The following ADAMTS19 variants were observed in gnomAD, a reference collection of about 807,000 sequenced individuals.
ADAMTS19 encodes the protein A disintegrin and metalloproteinase with thrombospondin motifs 19.
ADAMTS19 carries 93 observed loss-of-function variants against 153.3 expected under a neutral mutation model. That is an observed-to-expected ratio of 0.61 (90% CI 0.51 to 0.72). The LOEUF (loss-of-function observed/expected upper bound fraction) is 0.72. Ranked by LOEUF, ADAMTS19 falls within the 30% of genes least tolerant of loss-of-function variation. The pLI is 0.00. For missense variants in ADAMTS19, 1,482 were observed against 1,552.1 expected (o/e 0.95, Z 0.76); for synonymous variants, 600 against 556.6 (o/e 1.08, Z -1.10).
At chr5:129,609,431 T>C (rs1250210729) in intron 8 of ADAMTS19, among the ~76,000 whole-genome samples, 1 of 152,178 alleles carries the variant, frequency 6.6e-6, no homozygotes, top group Non-Finnish European at 1.5e-5. Flanking sequence ...ATTATAGTTA[T>C]TTTATGAATA....
Position 129,701,498 on chromosome 5 carries a change from G to A in ADAMTS19, c.3065G>A (p.Arg1022Gln), listed in dbSNP as rs538019177. Residue 1022 changes from arginine to glutamine, a missense_variant, in exon 20 of 23, where the codon CGA becomes CAA. Physicochemically the swap from Arg to Gln is conservative, Grantham distance 43. Coordinates refer to ENST00000274487, the MANE Select transcript of ADAMTS19 (RefSeq NM_133638.6). The stretch of plus-strand genomic sequence containing the variant: ...AGCAATGGAACACTGATTAGAGCCC[G>A]AGAGAGGGACTGCATTGGGCCCAAG... ...QLSNGTLIRA[R>Q]ERDCIGPKPA... is the part of the protein sequence containing the mutation. The A allele has an allele frequency of 9.9e-6, 16 of 1,614,066 alleles. No homozygotes were observed. The highest frequency in any genetic ancestry group is 4.5e-5 in the East Asian group (2 of 44,882).
chr5:129,597,507 TG>T (rs1441621293), intron 8 of ADAMTS19, among the ~76,000 whole-genome samples: 1 of 152,224 alleles, frequency 6.6e-6, no homozygotes, highest in Admixed American at 6.5e-5. Flanking sequence ...TGTTATCTTC[TG>T]GCCTAGATTC....
Position 129,659,436 on chromosome 5 carries a change from T to C in ADAMTS19, c.2425+699T>C, listed in dbSNP as rs373471397. The stretch of plus-strand genomic sequence containing the variant: ...TGTGCTTTATGTACAGAAAATGCTT[T>C]ATACTCAGGATCTTAAGCTTACTGG... On this transcript the variant is annotated intron_variant, in intron 15 of 22. Coordinates refer to ENST00000274487, the MANE Select transcript of ADAMTS19 (RefSeq NM_133638.6). 4.4e-4 allele frequency among the ~76,000 whole-genome samples: 67 copies of C among 152,334 alleles called. No individual in the cohort carries two copies. The East Asian group carries it at 6.6e-3, about 15-fold the overall frequency.
chr5:129,550,828 G>T (rs1265178447), intron 6 of ADAMTS19, among the ~76,000 whole-genome samples: 1 of 151,300 alleles, frequency 6.6e-6, no homozygotes, highest in African/African-American at 2.4e-5. Context: ...TTGTAATATT[G>T]TTTGTGATAG....
intron 21 of ADAMTS19, among the ~76,000 whole-genome samples, chr5:129,732,100 C>T (rs927863405): frequency 1.8e-4 from 27 of 152,168 alleles, no homozygotes; most frequent in African/African-American, 6.5e-4. Context: ...AAAATTGTTA[C>T]ACATCAAATA....
chr5:129,528,093 G>C (rs1024218062), intron 5 of ADAMTS19, among the ~76,000 whole-genome samples: 8 of 151,980 alleles, frequency 5.3e-5, no homozygotes, highest in African/African-American at 1.4e-4. Flanking sequence ...TTAAGTGACA[G>C]TTTTATTCTA....
In ADAMTS19 at chr5:129,719,495, T is replaced by G. The variant is rs115542114; in HGVS notation, c.3312+15104T>G. 3.6e-3 allele frequency among the ~76,000 whole-genome samples: 544 copies of G among 152,310 alleles called. 4 individuals carry two copies. The highest frequency in any genetic ancestry group is 0.013 in the African/African-American group (522 of 41,560). On this transcript the variant is annotated intron_variant, in intron 21 of 22. Coordinates refer to ENST00000274487, the MANE Select transcript of ADAMTS19 (RefSeq NM_133638.6). ...AGAAACTAACATTTAGTTAATAATT[T>G]TAAACTTTGGCATTTTACCATGGAT... is the stretch of plus-strand genomic sequence containing the variant.
chr5:129,594,714 A>G (rs1750293371), intron 7 of ADAMTS19, among the ~76,000 whole-genome samples: 1 of 151,986 alleles, frequency 6.6e-6, no homozygotes, highest in Non-Finnish European at 1.5e-5. Flanking sequence ...TTATGTTTAA[A>G]TCAAATTTTA....
At chr5:129,690,818 A>G (rs565751110) in intron 18 of ADAMTS19, among the ~76,000 whole-genome samples, 1 of 152,188 alleles carries the variant, frequency 6.6e-6, no homozygotes, top group Admixed American at 6.5e-5. Flanking sequence ...AAATTTTAAA[A>G]GAAAATTATA....
intron 8 of ADAMTS19, among the ~76,000 whole-genome samples, chr5:129,602,508 T>C (rs1269976150): frequency 6.6e-6 from 1 of 152,238 alleles, no homozygotes; most frequent in African/African-American, 2.4e-5. Flanking sequence ...TGTATTCATA[T>C]CTAATTCAAC....
intron 2 of ADAMTS19, chr5:129,500,240 C>T (rs1324111345): frequency 1.3e-5 from 2 of 152,138 alleles, no homozygotes; most frequent in Non-Finnish European, 2.9e-5. Flanking sequence ...CATTTCTGCA[C>T]CTATGACTTT....
chr5:129,674,837 C>G (rs75541365), intron 16 of ADAMTS19, among the ~76,000 whole-genome samples: 17 of 152,250 alleles, frequency 1.1e-4, no homozygotes, highest in African/African-American at 3.9e-4. Flanking sequence ...ACATTTACCA[C>G]TATCAGCTTC....
At chr5:129,631,357 A>C (rs1752282418) in intron 10 of ADAMTS19, among the ~76,000 whole-genome samples, 1 of 151,832 alleles carries the variant, frequency 6.6e-6, no homozygotes, top group South Asian at 2.1e-4. Flanking sequence ...ATAAATATTA[A>C]TTAGGTCAAG....
At chr5:129,736,994 A>G in intron 22 of ADAMTS19, 73 bp from the exon 23 acceptor site, 2 of 1,378,486 alleles carry the variant, frequency 1.5e-6, no homozygotes, top group East Asian at 2.6e-5. Context: ...GCCCCACTTA[A>G]ACGCTTGAAG....
At chr5:129,484,662 A>G (rs1232289117) in intron 2 of ADAMTS19, among the ~76,000 whole-genome samples, 2 of 151,974 alleles carry the variant, frequency 1.3e-5, no homozygotes, top group Non-Finnish European at 2.9e-5. Flanking sequence ...ATGGAGGTTC[A>G]TTTTTTCTCA....
intron 7 of ADAMTS19, among the ~76,000 whole-genome samples, chr5:129,571,071 T>C (rs1753887668): frequency 6.6e-6 from 1 of 151,714 alleles, no homozygotes; most frequent in South Asian, 2.1e-4. Context: ...GATATGCAAT[T>C]AGGTGAGAAA....
intron 2 of ADAMTS19, among the ~76,000 whole-genome samples, chr5:129,483,529 C>T (rs1468206375): frequency 6.6e-6 from 1 of 152,120 alleles, no homozygotes. Flanking sequence ...TGTATGCAGA[C>T]ATTGCCAGAT....
intron 6 of ADAMTS19, among the ~76,000 whole-genome samples, chr5:129,536,510 C>T (rs1314001611): frequency 3.9e-5 from 6 of 152,268 alleles, no homozygotes; most frequent in African/African-American, 1.4e-4. Context: ...GTGGCGATTC[C>T]TCAGGGATCT....
chr5:129,531,355 T>C (rs1454338039), intron 6 of ADAMTS19, among the ~76,000 whole-genome samples: 1 of 152,110 alleles, frequency 6.6e-6, no homozygotes, highest in Non-Finnish European at 1.5e-5. Context: ...CCAGGTGTGG[T>C]GGCTCACACC....
Sources: gnomAD v4.1 joint callset for allele counts (sites outside exome capture counted in the v4.1 genomes callset) on GRCh38, gnomAD v4.1.1 for gene constraint, MANE v1.5 for transcripts, NCBI Gene and HGNC (gene_info 2026-07-23, HGNC 2026-07-21) for gene names.